Variants in UBE2O observed in about 807,000 individuals in gnomAD.
UBE2O encodes the protein (E3-independent) E2 ubiquitin-conjugating enzyme.
A neutral mutation model predicts 125.8 loss-of-function variants in UBE2O; 15 were observed. That is an observed-to-expected ratio of 0.12 (90% CI 0.08 to 0.18). The LOEUF is 0.18. Ranked by LOEUF, UBE2O falls within the 10% of genes least tolerant of loss-of-function variation. The pLI, the probability that UBE2O is intolerant of heterozygous loss-of-function variation, is 1.00. For synonymous variants in UBE2O, 708 were observed against 703.2 expected, an observed-to-expected ratio of 1.01 and a Z score of -0.11; for missense variants, 1,280 against 1,723.6, an observed-to-expected ratio of 0.74 and a Z score of 4.56.
chr17:76,394,873 C>G (rs1369866016), intron 15 of UBE2O, among the ~76,000 whole-genome samples: 2 of 147,338 alleles, frequency 1.4e-5, no homozygotes, highest in African/African-American at 5.1e-5. Flanking sequence ...TAATTAATTT[C>G]AAAGTAATTT....
Position 76,399,831 on chromosome 17 carries a change from C to T in UBE2O, c.1246G>A (p.Asp416Asn). The T allele has an allele frequency of 6.2e-7, 1 of 1,614,188 alleles. No individual in the cohort carries two copies. The highest frequency in any genetic ancestry group is 8.5e-7 in the Non-Finnish European group (1 of 1,180,032). The change falls in exon 9 of 18, where the codon GAC (aspartate) becomes AAC (asparagine). Residue 416 changes from aspartate (D) to asparagine (N), a missense_variant. By Grantham distance (23) the Asp-to-Asn change is conservative. Coordinates refer to ENST00000319380, the MANE Select transcript of UBE2O (RefSeq NM_022066.4). The surrounding 1 kb of genome is among the most constrained non-coding windows in gnomAD (Gnocchi z 6.9). ...CSRDHSMEDP[D>N]KKGESKTKSE... The stretch of plus-strand genomic sequence containing the variant: ...TTGGTTTTGGATTCCCCCTTCTTGT[C>T]TGGGTCTTCCATGGAATGGTCCCGG...
At position 76,405,688 on chromosome 17, in the gene UBE2O, A is replaced by C; in HGVS notation, c.418-116T>G. On this transcript the variant is annotated intron_variant, in intron 1 of 17. Transcript: ENST00000319380. This position sits in a 1 kb window ranked among gnomAD's most constrained non-coding sequence, Gnocchi z 6.1. ...CCACACTGCTAAGTGCACAAATCCT[A>C]AGCGTTTGGCTAGCAGTATCTTCAC... 3 of 909,530 alleles carry C rather than the reference A, an allele frequency of 3.3e-6. No individual in the cohort carries two copies. The highest frequency in any genetic ancestry group is 5.1e-6 in the Non-Finnish European group (3 of 589,288). 56.3% of individuals were successfully genotyped at this position (909,530 alleles called of 1,614,324 possible).
In UBE2O at chr17:76,397,838, C is replaced by T. The variant is rs1310281206; in HGVS notation, c.2076G>A (p.Val692=). 6.2e-7 allele frequency: 1 copy of T among 1,614,074 alleles called. No individual in the cohort carries two copies. Among genetic ancestry groups the T allele is most frequent in the Admixed American group, 1.7e-5 (1 of 60,012 alleles). ...ARVDVSSKVE[V]VWADNSKTII... Reference sequence around the variant, plus strand: ...TGGTCTTTGAGTTGTCAGCCCACACCACCTCCACCTTGCTGCTGACGTCCA... The same window carrying T: ...TGGTCTTTGAGTTGTCAGCCCACACTACCTCCACCTTGCTGCTGACGTCCA... Residue 692 remains valine (V), a synonymous_variant, in exon 13 of 18, where the codon GTG becomes GTA. Transcript: ENST00000319380.
chr17:76,436,760 A>C (rs551547119), intron 1 of UBE2O, among the ~76,000 whole-genome samples: 2 of 152,316 alleles, frequency 1.3e-5, no homozygotes, highest in South Asian at 4.1e-4. Context: ...CCTTCTGAAC[A>C]AAATTCAAAA....
chr17:76,418,040 C>T (rs191034360), intron 1 of UBE2O, among the ~76,000 whole-genome samples: 4 of 152,230 alleles, frequency 2.6e-5, no homozygotes, highest in East Asian at 1.9e-4. Context: ...AGGAGGAAGG[C>T]GCAGGGGGAG....
intron 1 of UBE2O, among the ~76,000 whole-genome samples, chr17:76,409,938 G>C (rs1248887117): frequency 6.6e-6 from 1 of 152,164 alleles, no homozygotes; most frequent in Non-Finnish European, 1.5e-5. Context: ...GCCAGCAGAG[G>C]GAGAGCACAG....
rs1354952541 is a variant in UBE2O, at chr17:76,452,086, T to A, written c.417+639A>T. Among the ~76,000 whole-genome samples, 3 of 152,042 alleles carry A rather than the reference T, an allele frequency of 2.0e-5. No individual in the cohort carries two copies. The highest frequency in any genetic ancestry group is 7.2e-5 in the African/African-American group (3 of 41,396). The stretch of plus-strand genomic sequence containing the variant: ...GAGTCATCAATCCCGGTCGCAGCTG[T>A]CAGAATCCTCCCCCCCAAGTACTAT... On this transcript the variant is annotated intron_variant, in intron 1 of 17. Transcript: ENST00000319380. This position sits in a 1 kb window ranked among gnomAD's most constrained non-coding sequence, Gnocchi z 4.4.
At chr17:76,423,026 T>C (rs1297584429) in intron 1 of UBE2O, among the ~76,000 whole-genome samples, 1 of 152,142 alleles carries the variant, frequency 6.6e-6, no homozygotes. Flanking sequence ...CCTGCTGACC[T>C]GGGCTCAGCA....
intron 1 of UBE2O, among the ~76,000 whole-genome samples, chr17:76,424,978 C>T (rs1290236407): frequency 2.0e-5 from 3 of 150,832 alleles, no homozygotes; most frequent in African/African-American, 7.3e-5. Flanking sequence ...TCATGCCATT[C>T]TCCTGCCTCA....
At chr17:76,433,722 A>C (rs1276395291) in intron 1 of UBE2O, among the ~76,000 whole-genome samples, 2 of 151,836 alleles carry the variant, frequency 1.3e-5, no homozygotes, top group Non-Finnish European at 2.9e-5. Flanking sequence ...AGAAAAAAAA[A>C]AAAGAGAGAG....
chr17:76,444,522 G>A (rs1379552885), intron 1 of UBE2O, among the ~76,000 whole-genome samples: 2 of 152,242 alleles, frequency 1.3e-5, no homozygotes, highest in African/African-American at 2.4e-5. Flanking sequence ...GGGTGACAGA[G>A]CATAAGGCTG....
intron 1 of UBE2O, among the ~76,000 whole-genome samples, chr17:76,432,157 A>G (rs2072916969): frequency 6.6e-6 from 1 of 152,156 alleles, no homozygotes; most frequent in Non-Finnish European, 1.5e-5. Flanking sequence ...AGCAGCCAAG[A>G]GCCTTTGGAA....
At chr17:76,416,384 A>G (rs1197443283) in intron 1 of UBE2O, among the ~76,000 whole-genome samples, 1 of 152,034 alleles carries the variant, frequency 6.6e-6, no homozygotes, top group Non-Finnish European at 1.5e-5. Context: ...AGTTCCCCAA[A>G]TGATTCTGAT....
In UBE2O at chr17:76,405,965, G is replaced by A. The variant is rs995370276; in HGVS notation, c.418-393C>T. On this transcript the variant is annotated intron_variant, in intron 1 of 17. Coordinates refer to ENST00000319380, the MANE Select transcript of UBE2O (RefSeq NM_022066.4). The surrounding 1 kb of genome is among the most constrained non-coding windows in gnomAD (Gnocchi z 6.1). ...GCGTTCAATCTTTTTTCTGCCCTCT[G>A]CAAGTGCCTGCCCTAGCTGATCAGT... is the stretch of plus-strand genomic sequence containing the variant. Among the ~76,000 whole-genome samples, 1 of 152,228 alleles carries A rather than the reference G, an allele frequency of 6.6e-6. No homozygotes were observed. The highest frequency in any genetic ancestry group is 2.4e-5 in the African/African-American group (1 of 41,446).
intron 1 of UBE2O, among the ~76,000 whole-genome samples, chr17:76,408,182 G>A (rs980948873): frequency 3.3e-5 from 5 of 152,108 alleles, no homozygotes; most frequent in Admixed American, 6.5e-5. Flanking sequence ...CCCTGCCCCC[G>A]TATGCACAAC....
intron 1 of UBE2O, among the ~76,000 whole-genome samples, chr17:76,443,145 C>G (rs1340783114): frequency 6.6e-6 from 1 of 152,060 alleles, no homozygotes; most frequent in African/African-American, 2.4e-5. Context: ...GCAAATATGG[C>G]AGGATGTTAA....
chr17:76,422,370 A>T (rs992862676), intron 1 of UBE2O, among the ~76,000 whole-genome samples: 6 of 152,166 alleles, frequency 3.9e-5, no homozygotes, highest in African/African-American at 1.4e-4. Flanking sequence ...AGGGCTTGAC[A>T]CAGACACAAC....
chr17:76,431,223 C>T (rs1017744897), intron 1 of UBE2O: 2 of 154,926 alleles, frequency 1.3e-5, no homozygotes, highest in Non-Finnish European at 2.9e-5. Flanking sequence ...AGTAATAAGT[C>T]AACAAAAGCC....
intron 1 of UBE2O, among the ~76,000 whole-genome samples, chr17:76,435,401 T>TACAC (rs3219583): frequency 1.2e-4 from 12 of 96,846 alleles, no homozygotes; most frequent in Middle Eastern, 4.7e-3. Flanking sequence ...AATATACAGA[T>TACAC]ACACACACAC....
Sources: gnomAD v4.1 joint callset for allele counts (sites outside exome capture counted in the v4.1 genomes callset) on GRCh38, gnomAD v4.1.1 for gene constraint, Gnocchi (gnomAD v3.1) non-coding constraint, MANE v1.5 for transcripts, NCBI Gene and HGNC (gene_info 2026-07-23, HGNC 2026-07-21) for gene names.